Variants in THSD7A observed in about 807,000 individuals in gnomAD.
THSD7A encodes the protein thrombospondin type-1 domain-containing protein 7A.
THSD7A carries 96 observed loss-of-function variants against 231.3 expected under a neutral mutation model. That is an observed-to-expected ratio of 0.41 (90% CI 0.35 to 0.49). THSD7A has a LOEUF of 0.49. Ranked by LOEUF, THSD7A falls within the 20% of genes least tolerant of loss-of-function variation. The pLI is 0.05. For synonymous variants in THSD7A, 940 were observed against 743.3 expected (o/e 1.26, Z -4.30); for missense variants, 2,290 against 2,070.2 (o/e 1.11, Z -2.06).
intron 2 of THSD7A, among the ~76,000 whole-genome samples, chr7:11,604,288 C>T (rs1780664247): frequency 1.3e-5 from 2 of 152,036 alleles, no homozygotes; most frequent in African/African-American, 4.8e-5. Context: ...AGCACTCAAA[C>T]TGAGTGAGGT....
rs945190219 is a variant in THSD7A, at chr7:11,373,457, T to A, written c.*2337A>T. ...AATCACAGTTTTAAAGTAACAATAT[T>A]ATTTTTTCTTCCTCTTTAATAAAAC... On this transcript the variant is annotated 3_prime_UTR_variant, in exon 28 of 28. Coordinates refer to ENST00000423059, the MANE Select transcript of THSD7A (RefSeq NM_015204.3). 1.3e-5 allele frequency: 2 copies of A among 152,048 alleles called. No homozygotes were observed. Among genetic ancestry groups the A allele is most frequent in the Non-Finnish European group, 2.9e-5 (2 of 67,968 alleles). 9.4% of individuals were successfully genotyped at this position (152,048 alleles called of 1,614,324 possible).
chr7:11,621,134 T>C (rs1184067103), intron 2 of THSD7A, among the ~76,000 whole-genome samples: 5 of 152,226 alleles, frequency 3.3e-5, no homozygotes, highest in Non-Finnish European at 1.5e-5. Context: ...TCAAATGCAG[T>C]TTCAGAAATC....
chr7:11,599,939 G>A (rs931531720), intron 2 of THSD7A, among the ~76,000 whole-genome samples: 1 of 152,012 alleles, frequency 6.6e-6, no homozygotes, highest in Admixed American at 6.6e-5. Flanking sequence ...AACATGAAAA[G>A]ACTAGAGTGG....
intron 12 of THSD7A, among the ~76,000 whole-genome samples, 186 bp downstream of exon 12, chr7:11,447,044 A>G (rs1784993153): frequency 6.6e-6 from 1 of 152,138 alleles, no homozygotes. Context: ...TTCAATTTTC[A>G]AGCCTTCCTT....
chr7:11,547,429 G>A (rs563087476), intron 4 of THSD7A, among the ~76,000 whole-genome samples: 2 of 152,220 alleles, frequency 1.3e-5, no homozygotes, highest in African/African-American at 4.8e-5. Context: ...GACGCTCATA[G>A]GCTCAAAGTA....
intron 24 of THSD7A, among the ~76,000 whole-genome samples, chr7:11,379,932 G>A (rs193214395): frequency 9.2e-5 from 14 of 152,258 alleles, no homozygotes; most frequent in Admixed American, 8.5e-4. Flanking sequence ...CTGGTACTCA[G>A]CAGGTATTCA....
chr7:11,595,338 G>A (rs1424613403), intron 2 of THSD7A, among the ~76,000 whole-genome samples: 1 of 152,130 alleles, frequency 6.6e-6, no homozygotes, highest in South Asian at 2.1e-4. Context: ...GCATGGGAAT[G>A]GATATTAAGA....
At chr7:11,653,445 G>GAT (rs1203029145) in intron 1 of THSD7A, among the ~76,000 whole-genome samples, 4 of 99,116 alleles carry the variant, frequency 4.0e-5, no homozygotes, top group South Asian at 9.6e-4. Flanking sequence ...TCCACTCCCA[G>GAT]ATATGTGTGT....
At chr7:11,597,698 T>A (rs1780414068) in intron 2 of THSD7A, among the ~76,000 whole-genome samples, 1 of 152,142 alleles carries the variant, frequency 6.6e-6, no homozygotes, top group South Asian at 2.1e-4. Context: ...CGTCATCAAG[T>A]CTCCATGTGA....
chr7:11,638,124 C>A (rs1203051960), intron 1 of THSD7A, among the ~76,000 whole-genome samples: 1 of 152,074 alleles, frequency 6.6e-6, no homozygotes, highest in East Asian at 1.9e-4. Context: ...AAGAAAAACT[C>A]TATTTGTATT....
chr7:11,657,550 G>A (rs947398801), intron 1 of THSD7A, among the ~76,000 whole-genome samples: 2 of 151,580 alleles, frequency 1.3e-5, no homozygotes, highest in Non-Finnish European at 3.0e-5. Flanking sequence ...TGCTTTAATT[G>A]TGCTCACCTA....
intron 6 of THSD7A, among the ~76,000 whole-genome samples, chr7:11,534,727 G>T (rs1007919200): frequency 2.0e-5 from 3 of 152,120 alleles, no homozygotes; most frequent in Non-Finnish European, 4.4e-5. Context: ...TACAGAGAAG[G>T]TGGATATAAA....
chr7:11,505,105 A>G (rs1024872498), intron 6 of THSD7A, among the ~76,000 whole-genome samples: 1 of 152,196 alleles, frequency 6.6e-6, no homozygotes, highest in African/African-American at 2.4e-5. Context: ...AAATAAAAAT[A>G]TCATTGCTTA....
chr7:11,699,951 A>G (rs535190961), intron 1 of THSD7A, among the ~76,000 whole-genome samples: 1 of 151,456 alleles, frequency 6.6e-6, no homozygotes, highest in South Asian at 2.1e-4. Context: ...CTAAAATGAA[A>G]TCTTTTCACT....
At chr7:11,767,494 G>A (rs979079403) in intron 1 of THSD7A, among the ~76,000 whole-genome samples, 17 of 152,260 alleles carry the variant, frequency 1.1e-4, no homozygotes, top group African/African-American at 3.6e-4. Context: ...ACACATTAAC[G>A]AAATCTACTT....
chr7:11,750,552 G>C (rs757801438), intron 1 of THSD7A, among the ~76,000 whole-genome samples: 4 of 151,946 alleles, frequency 2.6e-5, no homozygotes, highest in African/African-American at 4.8e-5. Context: ...AAACCCAATA[G>C]TCTGATTTGC....
At chr7:11,804,294 C>T (rs1784347906) in intron 1 of THSD7A, among the ~76,000 whole-genome samples, 1 of 152,040 alleles carries the variant, frequency 6.6e-6, no homozygotes, top group Non-Finnish European at 1.5e-5. Context: ...TTAGAGTTCT[C>T]TTACTGTGAG....
chr7:11,823,325 T>C (rs1417235794), intron 1 of THSD7A, among the ~76,000 whole-genome samples: 1 of 152,162 alleles, frequency 6.6e-6, no homozygotes. Flanking sequence ...TCTATTTTTA[T>C]ACTAGTACTA....
At chr7:11,418,332 G>A (rs1784030269) in intron 16 of THSD7A, among the ~76,000 whole-genome samples, 1 of 152,086 alleles carries the variant, frequency 6.6e-6, no homozygotes, top group South Asian at 2.1e-4. Context: ...TCTCCTGTAA[G>A]CAGTCATGAA....
Sources: allele counts gnomAD v4.1 joint callset (sites outside exome capture counted in the v4.1 genomes callset), GRCh38; gene constraint gnomAD v4.1.1; transcripts MANE v1.5; gene names NCBI Gene and HGNC (gene_info 2026-07-23, HGNC 2026-07-21).